Variants in PTPRD observed in about 807,000 individuals in gnomAD.
PTPRD encodes protein tyrosine phosphatase receptor type D.
PTPRD carries 34 observed loss-of-function variants against 214.5 expected under a neutral mutation model. That is an observed-to-expected ratio of 0.16 (90% CI 0.12 to 0.21). The LOEUF (loss-of-function observed/expected upper bound fraction) is 0.21, where lower values mean the gene tolerates loss of function less well. Ranked by LOEUF, PTPRD falls within the 10% of genes least tolerant of loss-of-function variation. PTPRD has a pLI of 1.00. For missense variants in PTPRD, 2,545 were observed against 2,398.7 expected (o/e 1.06, Z -1.27); for synonymous variants, 1,128 against 845.7 (o/e 1.33, Z -5.79).
intron 14 of PTPRD, among the ~76,000 whole-genome samples, chr9:8,533,531 T>C (rs2076222726): frequency 6.6e-6 from 1 of 152,038 alleles, no homozygotes; most frequent in African/African-American, 2.4e-5. Context: ...GTTTTGGCAG[T>C]AATGGCAGTA....
intron 12 of PTPRD, among the ~76,000 whole-genome samples, chr9:8,689,905 C>G (rs1597093451): frequency 6.6e-6 from 1 of 151,898 alleles, no homozygotes; most frequent in Non-Finnish European, 1.5e-5. Context: ...GTTAGGAGTT[C>G]AAGACCAGCC....
At chr9:9,730,699 G>C (rs1477211512) in intron 7 of PTPRD, among the ~76,000 whole-genome samples, 2 of 152,014 alleles carry the variant, frequency 1.3e-5, no homozygotes, top group Admixed American at 6.6e-5. Flanking sequence ...AGAGTCCAAA[G>C]GATAGACTGA....
intron 11 of PTPRD, among the ~76,000 whole-genome samples, chr9:8,766,885 C>T (rs1474065169): frequency 1.3e-5 from 2 of 152,112 alleles, no homozygotes; most frequent in African/African-American, 4.8e-5. Context: ...TTGTTTATAT[C>T]AATTAGCCGA....
chr9:8,830,627 G>A (rs974658639), intron 11 of PTPRD, among the ~76,000 whole-genome samples: 16 of 152,110 alleles, frequency 1.1e-4, no homozygotes, highest in African/African-American at 3.6e-4. Flanking sequence ...GCGACACAGT[G>A]TCCACCCTAT....
intron 12 of PTPRD, among the ~76,000 whole-genome samples, chr9:8,689,262 T>C (rs1804288688): frequency 6.6e-6 from 1 of 152,060 alleles, no homozygotes; most frequent in Non-Finnish European, 1.5e-5. Flanking sequence ...GAAAACAAAA[T>C]CAGAGTAAGA....
At chr9:8,574,834 A>C (rs2092033361) in intron 14 of PTPRD, among the ~76,000 whole-genome samples, 1 of 152,048 alleles carries the variant, frequency 6.6e-6, no homozygotes, top group African/African-American at 2.4e-5. Flanking sequence ...AAACTTATAA[A>C]ATGAAGTGAT....
At chr9:9,628,754 T>C (rs941712234) in intron 7 of PTPRD, among the ~76,000 whole-genome samples, 2 of 152,128 alleles carry the variant, frequency 1.3e-5, no homozygotes, top group African/African-American at 2.4e-5. Flanking sequence ...TCCATGATTA[T>C]GTAATCTCAA....
At chr9:8,623,688 C>T (rs1425045496) in intron 14 of PTPRD, among the ~76,000 whole-genome samples, 1 of 151,886 alleles carries the variant, frequency 6.6e-6, no homozygotes, top group Non-Finnish European at 1.5e-5. Flanking sequence ...TAATCATCCT[C>T]TTAAGTTTAC....
At chr9:10,562,886 A>C (rs1346053956) in intron 2 of PTPRD, among the ~76,000 whole-genome samples, 1 of 152,172 alleles carries the variant, frequency 6.6e-6, no homozygotes, top group East Asian at 1.9e-4. Flanking sequence ...AATGATTTGT[A>C]GAAAAAAAGC....
At chr9:8,609,353 G>C (rs945640749) in intron 14 of PTPRD, among the ~76,000 whole-genome samples, 9 of 152,190 alleles carry the variant, frequency 5.9e-5, no homozygotes, top group Non-Finnish European at 1.3e-4. Flanking sequence ...TGTGAAGTCA[G>C]TTTCTTCAAG....
intron 2 of PTPRD, among the ~76,000 whole-genome samples, chr9:10,455,579 C>G (rs560003376): frequency 6.6e-6 from 1 of 151,588 alleles, no homozygotes; most frequent in Non-Finnish European, 1.5e-5. Flanking sequence ...GTTTTTAATT[C>G]CTTTTGTTCG....
At chr9:9,368,108 G>A (rs181311627) in intron 9 of PTPRD, among the ~76,000 whole-genome samples, 5 of 151,684 alleles carry the variant, frequency 3.3e-5, no homozygotes, top group Admixed American at 2.6e-4. Context: ...TACATAATTC[G>A]GCCCAAATTT....
intron 9 of PTPRD, among the ~76,000 whole-genome samples, chr9:9,295,211 C>T (rs1434934163): frequency 1.3e-5 from 2 of 151,480 alleles, no homozygotes; most frequent in Admixed American, 1.3e-4. Flanking sequence ...TAAAAGTTAC[C>T]CTTATTCTAA....
intron 2 of PTPRD, among the ~76,000 whole-genome samples, chr9:10,566,904 C>A (rs1156241669): frequency 1.3e-5 from 2 of 152,060 alleles, no homozygotes; most frequent in Non-Finnish European, 2.9e-5. Flanking sequence ...GTTTATCCAG[C>A]ACTATTAAAA....
At chr9:9,237,210 G>C (rs2099967380) in intron 9 of PTPRD, among the ~76,000 whole-genome samples, 1 of 152,098 alleles carries the variant, frequency 6.6e-6, no homozygotes, top group African/African-American at 2.4e-5. Context: ...AATACAATTG[G>C]ATAGATGGGT....
intron 30 of PTPRD, among the ~76,000 whole-genome samples, chr9:8,482,892 C>T (rs1281491300): frequency 6.7e-6 from 1 of 148,774 alleles, no homozygotes; most frequent in African/African-American, 2.6e-5. Context: ...TCCTATTTAT[C>T]CCTTAAGATT....
intron 7 of PTPRD, among the ~76,000 whole-genome samples, chr9:9,628,204 A>T (rs10977890): frequency 0.17 from 25,697 of 152,040 alleles, 3,339 homozygotes; most frequent in African/African-American, 0.37. Flanking sequence ...CTGTGGCCCC[A>T]GTTTGGTCTC....
At chr9:10,326,953 A>T (rs1295404893) in intron 3 of PTPRD, among the ~76,000 whole-genome samples, 1 of 151,468 alleles carries the variant, frequency 6.6e-6, no homozygotes, top group Non-Finnish European at 1.5e-5. Flanking sequence ...ACTTCAGTGA[A>T]CACTTTGATA....
At chr9:10,516,687 A>G (rs1273649586) in intron 2 of PTPRD, among the ~76,000 whole-genome samples, 1 of 151,950 alleles carries the variant, frequency 6.6e-6, no homozygotes, top group Non-Finnish European at 1.5e-5. Flanking sequence ...GTTTTCTTTT[A>G]GGAGTTTTAG....
Sources: allele counts gnomAD v4.1 joint callset (sites outside exome capture counted in the v4.1 genomes callset), GRCh38; gene constraint gnomAD v4.1.1; transcripts MANE v1.5; gene names NCBI Gene and HGNC (gene_info 2026-07-23, HGNC 2026-07-21).